The following ATP13A4 variants were observed in gnomAD, a reference collection of about 807,000 sequenced individuals.
ATP13A4 encodes probable cation-transporting ATPase 13A4.
ATP13A4 carries 114 observed loss-of-function variants against 142.5 expected under a neutral mutation model. The observed-to-expected ratio is 0.80, with a 90% CI of 0.69 to 0.93. ATP13A4 has a LOEUF of 0.93. Ranked by LOEUF, ATP13A4 falls within the 40% of genes least tolerant of loss-of-function variation. The probability of loss-of-function intolerance (pLI) is 0.00; values close to 1 mark genes in which losing one functional copy is unlikely to be tolerated. For missense variants in ATP13A4, 1,392 were observed against 1,454.0 expected (o/e 0.96, Z 0.69); for synonymous variants, 488 against 514.8 (o/e 0.95, Z 0.70).
intron 7 of ATP13A4, among the ~76,000 whole-genome samples, chr3:193,488,309 T>C (rs1014358641): frequency 9.2e-5 from 14 of 152,128 alleles, no homozygotes; most frequent in African/African-American, 3.4e-4. Context: ...ACAGTACACA[T>C]AGAATATATT....
intron 1 of ATP13A4, among the ~76,000 whole-genome samples, chr3:193,586,623 T>C (rs1325893012): frequency 6.6e-6 from 1 of 152,238 alleles, no homozygotes; most frequent in African/African-American, 2.4e-5. Context: ...AAAAGGCTTT[T>C]TTCACTGTTG....
chr3:193,440,583 G>T lies in ATP13A4; in HGVS notation c.2494C>A (p.Leu832Met). Residue 832 changes from leucine (L) to methionine (M), a missense_variant, in exon 21 of 30, where the codon CTG (leucine) becomes ATG (methionine). Physicochemically the swap from Leu to Met is conservative, Grantham distance 15 (BLOSUM62 2). Transcript: ENST00000342695. ...TCCAGTTTCTGAAATTCTTCCACCA[G>T]ACTGGACTTCTGCCCAGGAGACATT... ...ARMSPGQKSSLVEEFQKLDYF... is the reference protein window; with the variant it reads ...ARMSPGQKSSMVEEFQKLDYF... The T allele has an allele frequency of 1.2e-6, 2 of 1,613,990 alleles. No homozygotes were observed. Among genetic ancestry groups the T allele is most frequent in the Non-Finnish European group, 1.7e-6 (2 of 1,179,884 alleles).
chr3:193,469,525 G>A (rs1016111294), intron 9 of ATP13A4, among the ~76,000 whole-genome samples: 8 of 152,142 alleles, frequency 5.3e-5, no homozygotes, highest in Non-Finnish European at 1.0e-4. Flanking sequence ...ACTTGATGGA[G>A]GCCTAGATGA....
intron 2 of ATP13A4, among the ~76,000 whole-genome samples, chr3:193,576,837 C>T (rs1016459443): frequency 1.5e-4 from 23 of 152,284 alleles, no homozygotes; most frequent in African/African-American, 5.3e-4. Flanking sequence ...ATGAAGATAT[C>T]GGTGCCTCCA....
intron 8 of ATP13A4, among the ~76,000 whole-genome samples, chr3:193,473,868 G>C (rs931944001): frequency 1.3e-5 from 2 of 152,188 alleles, no homozygotes; most frequent in African/African-American, 4.8e-5. Context: ...TGGCAAACAA[G>C]AGCATTGTGT....
chr3:193,518,711 A>C (rs1721561101), intron 1 of ATP13A4, among the ~76,000 whole-genome samples: 1 of 152,236 alleles, frequency 6.6e-6, no homozygotes, highest in Non-Finnish European at 1.5e-5. Context: ...GAGTACCTCA[A>C]GTCTTAGGAG....
At chr3:193,444,676 G>A (rs1396942445) in intron 18 of ATP13A4, among the ~76,000 whole-genome samples, 1 of 152,238 alleles carries the variant, frequency 6.6e-6, no homozygotes, top group Non-Finnish European at 1.5e-5. Context: ...GAGAAAGCAA[G>A]AGACATTCCT....
chr3:193,454,767 A>T (rs1717488519), intron 16 of ATP13A4, among the ~76,000 whole-genome samples: 1 of 152,220 alleles, frequency 6.6e-6, no homozygotes, highest in South Asian at 2.1e-4. Context: ...AGCCTGGAAG[A>T]CAGCCTAGGC....
chr3:193,452,209 C>T (rs1378162534), intron 17 of ATP13A4, among the ~76,000 whole-genome samples: 1 of 152,216 alleles, frequency 6.6e-6, no homozygotes, highest in Non-Finnish European at 1.5e-5. Context: ...TGGCAACAGC[C>T]TGTCAGGAAA....
chr3:193,489,864 C>A lies in ATP13A4; in HGVS notation c.604G>T (p.Val202Phe). 6.2e-7 allele frequency: 1 copy of A among 1,612,610 alleles called. No individual in the cohort carries two copies. The highest frequency in any genetic ancestry group is 8.5e-7 in the Non-Finnish European group (1 of 1,179,022). The change falls in exon 7 of 30, where the codon GTT becomes TTT. Residue 202 changes from valine to phenylalanine, a missense_variant and splice_region_variant. Coordinates refer to ENST00000342695, the MANE Select transcript of ATP13A4 (RefSeq NM_032279.4). ...TGAAATATATAAAATGGATTTAGAA[C>A]CTGTTGGCAGACATAAAAACAGGAA... ...TPIWKLLIKE[V>F]LNPFYIFQLF... is the part of the protein sequence containing the mutation.
chr3:193,414,862 G>T, intron 25 of ATP13A4, 112 bp from the exon 26 acceptor site: 1 of 1,004,372 alleles, frequency 1.0e-6, no homozygotes, highest in Non-Finnish European at 1.5e-6. Flanking sequence ...ACAAACTGGA[G>T]TACATCACAA....
chr3:193,456,233 G>C (rs894476716), intron 16 of ATP13A4, among the ~76,000 whole-genome samples: 2 of 152,166 alleles, frequency 1.3e-5, no homozygotes, highest in Non-Finnish European at 2.9e-5. Flanking sequence ...AAGGATTTCT[G>C]TCTAATTGAG....
At chr3:193,479,177 AG>A (rs1252484391) in intron 8 of ATP13A4, among the ~76,000 whole-genome samples, 1 of 152,282 alleles carries the variant, frequency 6.6e-6, no homozygotes, top group East Asian at 1.9e-4. Flanking sequence ...AATGGGGAAA[AG>A]TTGAAAGCAT....
At chr3:193,456,936 C>T in intron 16 of ATP13A4, 64 bp downstream of exon 16, 1 of 1,545,576 alleles carries the variant, frequency 6.5e-7, no homozygotes, top group Non-Finnish European at 8.8e-7. Context: ...AGATCAAATG[C>T]AGTGGGAACA....
intron 1 of ATP13A4, 63 bp downstream of exon 1, chr3:193,554,677 T>C (rs1171080229): frequency 4.1e-6 from 6 of 1,461,076 alleles, no homozygotes; most frequent in Non-Finnish European, 5.8e-6. Flanking sequence ...TGTGTGTGTG[T>C]GTGTGTGTGT....
intron 9 of ATP13A4, 54 bp downstream of exon 9, chr3:193,470,805 C>A (rs765923811): frequency 1.8e-5 from 29 of 1,612,338 alleles, no homozygotes; most frequent in Non-Finnish European, 2.5e-5. Flanking sequence ...ACCATAGCAG[C>A]GTGGAGTGTG....
At chr3:193,578,304 T>TATCTATATCTAC (rs1724452013) in intron 2 of ATP13A4, among the ~76,000 whole-genome samples, 3 of 128,834 alleles carry the variant, frequency 2.3e-5, no homozygotes, top group Non-Finnish European at 4.8e-5. Context: ...GAAATATCTA[T>TATCTATATCTAC]ATCTATATCT....
At chr3:193,542,325 A>G (rs1303975704) in intron 1 of ATP13A4, among the ~76,000 whole-genome samples, 1 of 152,204 alleles carries the variant, frequency 6.6e-6, no homozygotes, top group Non-Finnish European at 1.5e-5. Context: ...ATGAGAGAGG[A>G]CACAAACAAA....
At position 193,465,027 on chromosome 3, in the gene ATP13A4, C is replaced by G. The variant is rs757875367; in HGVS notation, c.1374G>C (p.Gln458His). 8 of 1,614,014 alleles carry G rather than the reference C, an allele frequency of 5.0e-6. No individual in the cohort carries two copies. Among genetic ancestry groups the G allele is most frequent in the Non-Finnish European group, 6.8e-6 (8 of 1,180,042 alleles). ...AGATGCCTCTCTTCTTCAGCCTCCTCTGGGCATAGATAATGCCTGTGGTCA... is the reference window on the plus strand; with the variant it reads ...AGATGCCTCTCTTCTTCAGCCTCCTGTGGGCATAGATAATGCCTGTGGTCA... ...AALTTGIIYA[Q>H]RRLKKRGIFC... is the part of the protein sequence containing the mutation. Residue 458 changes from glutamine (Q) to histidine (H), a missense_variant, in exon 12 of 30, where the codon CAG (glutamine) becomes CAC (histidine). Transcript: ENST00000342695.
Sources: gnomAD v4.1 joint callset for allele counts (sites outside exome capture counted in the v4.1 genomes callset) on GRCh38, gnomAD v4.1.1 for gene constraint, MANE v1.5 for transcripts, NCBI Gene and HGNC (gene_info 2026-07-23, HGNC 2026-07-21) for gene names.